The following COPB2 variants were observed in gnomAD, a reference collection of about 807,000 sequenced individuals.
The protein encoded by COPB2 is coat protein complex I subunit beta 2.
A neutral mutation model predicts 120.8 loss-of-function variants in COPB2; 16 were observed. The observed-to-expected ratio is 0.13, with a 90% CI of 0.09 to 0.20. The LOEUF (loss-of-function observed/expected upper bound fraction) is 0.20, where lower values mean the gene tolerates loss of function less well. COPB2 is among the 10% of genes least tolerant of loss of function. The probability of loss-of-function intolerance (pLI) is 1.00; values close to 1 mark genes in which losing one functional copy is unlikely to be tolerated. For synonymous variants in COPB2, 332 were observed against 366.3 expected (o/e 0.91, Z 1.07); for missense variants, 794 against 1,076.5 (o/e 0.74, Z 3.67).
chr3:139,370,010 A>T lies in COPB2; in HGVS notation c.1206-466T>A, dbSNP rs137954019. On this transcript the variant is annotated intron_variant, in intron 10 of 21. Transcript: ENST00000333188. ...CTCCAAAGACAACTCTAATCTATATAGTGACAAAAGGCACTCATCAGTGTT... is the reference window on the plus strand; with the variant it reads ...CTCCAAAGACAACTCTAATCTATATTGTGACAAAAGGCACTCATCAGTGTT... Among the ~76,000 whole-genome samples the T allele has an allele frequency of 4.7e-4, 72 of 152,320 alleles. 4 individuals are homozygous for T. The East Asian group carries it at 5.8e-3, about 12-fold the overall frequency.
intron 16 of COPB2, 136 bp from the exon 17 acceptor site, chr3:139,361,431 T>C: frequency 1.3e-6 from 1 of 777,226 alleles, no homozygotes; most frequent in Non-Finnish European, 2.0e-6. Context: ...AAAATAAGAA[T>C]GGCATTGCAA....
At position 139,358,192 on chromosome 3, in the gene COPB2, T is replaced by A; in HGVS notation, c.2625+8A>T. On this transcript the variant is annotated splice_region_variant and intron_variant, in intron 21 of 21. Transcript: ENST00000333188. The stretch of plus-strand genomic sequence containing the variant: ...TAGAGGGAGGTTTGAGTATGATGTC[T>A]GACCTACCTTTTCTTCTTTGTTGGC... 1 of 1,613,272 alleles carries A rather than the reference T, an allele frequency of 6.2e-7. No individual in the cohort carries two copies. The highest frequency in any genetic ancestry group is 8.5e-7 in the Non-Finnish European group (1 of 1,179,142).
Position 139,369,174 on chromosome 3 carries a change from G to A in COPB2, c.1401+87C>T, listed in dbSNP as rs188623496. Reference sequence around the variant, plus strand: ...TTTGATAATCGAAGAGGGAGAGCAGGGTACAAAAGACACTTCTTGGCCTTA... The same window carrying A: ...TTTGATAATCGAAGAGGGAGAGCAGAGTACAAAAGACACTTCTTGGCCTTA... On this transcript the variant is annotated intron_variant, in intron 12 of 21. Coordinates refer to ENST00000333188, the MANE Select transcript of COPB2 (RefSeq NM_004766.3). The A allele has an allele frequency of 6.7e-6, 6 of 892,992 alleles. No individual in the cohort carries two copies. In the Admixed American group the frequency reaches 9.8e-5, roughly 15 times the overall value. 55.3% of individuals were successfully genotyped at this position (892,992 alleles called of 1,614,324 possible).
chr3:139,359,020 G>C lies in COPB2; in HGVS notation c.2462C>G (p.Ala821Gly). 6.2e-7 allele frequency: 1 copy of C among 1,612,798 alleles called. No homozygotes were observed. Among genetic ancestry groups the C allele is most frequent in the Non-Finnish European group, 8.5e-7 (1 of 1,179,612 alleles). ...CACCGTGACAAGTGGGTATTGTTTG[G>C]CTGGCCACAGATCAGCATGTGTTTC... ...VKETHADLWP[A>G]KQYPLVTPNE... is the part of the protein sequence containing the mutation. The change falls in exon 19 of 22, where the codon GCC (alanine) becomes GGC (glycine). Residue 821 changes from alanine to glycine, a missense_variant. By Grantham distance (60) the Ala-to-Gly change is moderately conservative. Transcript: ENST00000333188.
At chr3:139,389,364 C>T (rs1159054139) in intron 1 of COPB2, 184 bp downstream of exon 1, 2 of 993,800 alleles carry the variant, frequency 2.0e-6, no homozygotes, top group African/African-American at 1.7e-5. Flanking sequence ...CCAAATCACC[C>T]CGGTCCCCTA....
At chr3:139,382,787 T>C in intron 2 of COPB2, 1 of 173,650 alleles carries the variant, frequency 5.8e-6, no homozygotes, top group South Asian at 1.4e-4. Context: ...TGTTATTTAC[T>C]CAGGTGAAAG....
In COPB2 at chr3:139,378,087, T is replaced by C; in HGVS notation, c.458A>G (p.Lys153Arg). 2 of 1,587,370 alleles carry C rather than the reference T, an allele frequency of 1.3e-6. No homozygotes were observed. The highest frequency in any genetic ancestry group is 1.7e-6 in the Non-Finnish European group (2 of 1,160,636). Residue 153 changes from lysine (K) to arginine (R), a missense_variant, in exon 5 of 22, where the codon AAA becomes AGA. This residue lies in a region of COPB2 where 610 missense variants were observed against 866.7 expected (regional missense o/e 0.70). Transcript: ENST00000333188. ...GGCACTGGCAAACTGATTGTTATCTTTGGGGTTGATCACAATCTGCATAAC... is the reference window on the plus strand; with the variant it reads ...GGCACTGGCAAACTGATTGTTATCTCTGGGGTTGATCACAATCTGCATAAC... Reference protein sequence around the residue: ...HYVMQIVINPKDNNQFASASL... With the variant: ...HYVMQIVINPRDNNQFASASL...
chr3:139,363,240 C>A (rs912460713), intron 15 of COPB2, among the ~76,000 whole-genome samples: 5 of 152,168 alleles, frequency 3.3e-5, no homozygotes, highest in African/African-American at 1.2e-4. Flanking sequence ...CCCAAACAAC[C>A]AGTCTGTGGC....
At chr3:139,375,321 A>T (rs1335421311) in intron 6 of COPB2, 147 bp downstream of exon 6, 2 of 633,616 alleles carry the variant, frequency 3.2e-6, no homozygotes, top group African/African-American at 1.9e-5. Context: ...TTTATGGAGA[A>T]TTCTGGGAAC....
At chr3:139,360,138 CACAT>C (rs1253596497) in intron 17 of COPB2, among the ~76,000 whole-genome samples, 4 of 150,986 alleles carry the variant, frequency 2.6e-5, no homozygotes, top group African/African-American at 7.3e-5. Flanking sequence ...TAAATACATT[CACAT>C]ACATACAATG....
Position 139,373,701 on chromosome 3 carries a change from C to T in COPB2, c.859G>A (p.Ala287Thr), listed in dbSNP as rs771486381. The change falls in exon 8 of 22, where the codon GCT becomes ACT. Residue 287 changes from alanine to threonine, a missense_variant. Ala to Thr is a moderately conservative substitution (Grantham distance 58). Coordinates refer to ENST00000333188, the MANE Select transcript of COPB2 (RefSeq NM_004766.3). ...ATGCTCCCTTCATCATAGCCCAAAGCGACATTGTTTGACCCTCTTAGACTG... is the reference window on the plus strand; with the variant it reads ...ATGCTCCCTTCATCATAGCCCAAAGTGACATTGTTTGACCCTCTTAGACTG... Reference protein sequence around the residue: ...VASLRGSNNVALGYDEGSIIV... With the variant: ...VASLRGSNNVTLGYDEGSIIV... The T allele has an allele frequency of 1.9e-5, 31 of 1,613,982 alleles. No homozygotes were observed. Among genetic ancestry groups the T allele is most frequent in the African/African-American group, 2.7e-5 (2 of 74,914 alleles).
In COPB2 at chr3:139,362,435, A is replaced by G. The variant is rs779239712; in HGVS notation, c.1967T>C (p.Ile656Thr). The G allele has an allele frequency of 8.1e-5, 131 of 1,611,696 alleles. No individual in the cohort carries two copies. Among genetic ancestry groups the G allele is most frequent in the Middle Eastern group, 1.6e-4 (1 of 6,072 alleles). Residue 656 changes from isoleucine to threonine, a missense_variant, in exon 16 of 22, where the codon ATT becomes ACT. Coordinates refer to ENST00000333188, the MANE Select transcript of COPB2 (RefSeq NM_004766.3). ...TGCTTCCACTGCTAACTGGTATGCA[A>G]TTTTTAACTCTCCAAGCTGAAGAGC... ...ELALQLGELK[I>T]AYQLAVEAES...
chr3:139,389,371 C>T, intron 1 of COPB2, 177 bp downstream of exon 1: 1 of 1,055,176 alleles, frequency 9.5e-7, no homozygotes, highest in East Asian at 3.3e-5. Context: ...ACCCCGGTCC[C>T]CTAGGCCCCA....
chr3:139,360,938 G>A lies in COPB2; in HGVS notation c.2210+143C>T, dbSNP rs1941407876. 7 of 825,120 alleles carry A rather than the reference G, an allele frequency of 8.5e-6. No individual in the cohort carries two copies. The South Asian group carries it at 1.0e-4, about 12-fold the overall frequency. 51.1% of individuals were successfully genotyped at this position (825,120 alleles called of 1,614,324 possible). A position where few individuals can be genotyped will look rare whatever the true frequency, so the allele number is the denominator to read the frequency against. On this transcript the variant is annotated intron_variant, in intron 17 of 21. Coordinates refer to ENST00000333188, the MANE Select transcript of COPB2 (RefSeq NM_004766.3). ...CCTTGCTGAAGGTGAGTGCCACCAA[G>A]GCAGCACTGTCCTGTTCTGACTGCC...
At chr3:139,384,509 G>A (rs1195803405) in intron 1 of COPB2, among the ~76,000 whole-genome samples, 1 of 152,072 alleles carries the variant, frequency 6.6e-6, no homozygotes, top group African/African-American at 2.4e-5. Flanking sequence ...AAAAAATGTC[G>A]ACCAAATATT....
intron 15 of COPB2, 40 bp from the exon 16 acceptor site, chr3:139,362,557 A>ATTTTTGTATGCAT: frequency 7.6e-7 from 1 of 1,311,438 alleles, no homozygotes; most frequent in Non-Finnish European, 1.1e-6. Flanking sequence ...TTATGCATAC[A>ATTTTTGTATGCAT]AAAATGTATG....
intron 5 of COPB2, among the ~76,000 whole-genome samples, chr3:139,376,965 G>A (rs1239800867): frequency 6.6e-6 from 1 of 152,244 alleles, no homozygotes; most frequent in East Asian, 1.9e-4. Context: ...TAGCCAGGAT[G>A]GTCTCGATCT....
At chr3:139,386,347 C>A (rs2107811886) in intron 1 of COPB2, among the ~76,000 whole-genome samples, 1 of 152,122 alleles carries the variant, frequency 6.6e-6, no homozygotes, top group South Asian at 2.1e-4. Context: ...ACCTCCACCT[C>A]CCAGGTTCAA....
intron 10 of COPB2, among the ~76,000 whole-genome samples, chr3:139,370,149 C>A (rs767374109): frequency 6.6e-6 from 1 of 152,150 alleles, no homozygotes; most frequent in African/African-American, 2.4e-5. Flanking sequence ...TTAGTAGTTA[C>A]GGATTACATA....
Sources: allele counts gnomAD v4.1 joint callset (sites outside exome capture counted in the v4.1 genomes callset), GRCh38; gene constraint gnomAD v4.1.1; regional missense constraint gnomAD v4.1.1; transcripts MANE v1.5; gene names NCBI Gene and HGNC (gene_info 2026-07-23, HGNC 2026-07-21).